Variants in MICU3 observed in about 807,000 individuals in gnomAD.
The protein encoded by MICU3 is mitochondrial calcium uptake 3, also known as calcium uptake protein 3, mitochondrial.
A neutral mutation model predicts 66.5 loss-of-function variants in MICU3; 62 were observed. The observed-to-expected ratio is 0.93, with a 90% CI of 0.76 to 1.15. The LOEUF (loss-of-function observed/expected upper bound fraction) is 1.15. MICU3 is among the 50% of genes most tolerant of loss of function. MICU3 has a pLI of 0.00. For synonymous variants in MICU3, 308 were observed against 240.7 expected (o/e 1.28, Z -2.59); for missense variants, 779 against 664.4 (o/e 1.17, Z -1.90).
At chr8:17,125,632 G>A (rs955216131), downstream of MICU3, among the ~76,000 whole-genome samples, 5 of 152,118 alleles carry the variant, frequency 3.3e-5, no homozygotes, top group African/African-American at 1.2e-4. Context: ...CAGTTTAAAG[G>A]TTGGCTGCTA....
chr8:17,091,467 A>G (rs1030399451), intron 8 of MICU3, among the ~76,000 whole-genome samples: 1 of 152,202 alleles, frequency 6.6e-6, no homozygotes, highest in Non-Finnish European at 1.5e-5. Context: ...GTTGTAGTGT[A>G]CAATTCTAAA....
chr8:17,092,783 A>T (rs984349210), intron 8 of MICU3, among the ~76,000 whole-genome samples: 3 of 152,100 alleles, frequency 2.0e-5, no homozygotes, highest in Non-Finnish European at 4.4e-5. Flanking sequence ...TACAAGTATT[A>T]TACAAATCTA....
rs1802845393 is a variant in MICU3 at position 17,117,973 on chromosome 8, T to TATGG, written c.1525-732_1525-731insGGAT. On this transcript the variant is annotated intron_variant, in intron 13 of 14. Transcript: ENST00000318063. ...AAACCTCAAGATTCATCTGAGACAG[T>TATGG]ATTTTTAAAGATTTTTAATGACTTT... Among the ~76,000 whole-genome samples the TATGG allele has an allele frequency of 2.6e-5, 4 of 152,218 alleles. No individual in the cohort carries two copies. In the South Asian group the frequency reaches 8.3e-4, roughly 31 times the overall value.
the MICU3 span, among the ~76,000 whole-genome samples, chr8:17,130,669 A>G: frequency 0.014 from 2,126 of 152,358 alleles, 56 homozygotes; most frequent in African/African-American, 0.049. Context: ...GTGCAATGGC[A>G]TAGTATTAAT....
Position 17,062,780 on chromosome 8 carries a change from T to C in MICU3, c.382-1304T>C, listed in dbSNP as rs555988090. Among the ~76,000 whole-genome samples, 120 of 151,982 alleles carry C rather than the reference T, an allele frequency of 7.9e-4. 2 individuals are homozygous for C. The highest frequency in any genetic ancestry group is 2.7e-3 in the African/African-American group (111 of 41,456). ...TTCACTCCTAAGGATTAAGGGAGGC[T>C]AGGCAGGAGAGTCGCTTGAACCTGG... is the stretch of plus-strand genomic sequence containing the variant. On this transcript the variant is annotated intron_variant, in intron 1 of 14. Transcript: ENST00000318063.
rs1174601090 is a variant in MICU3, at chr8:17,027,501, C to CG, written c.228dup (p.Leu77AlafsTer60). ...AGCTGAGCGTGGCGGCGGCGGCCGG[C>CG]GGGGGGCTGGTCGGCCTGGTATGCT... On this transcript the variant is annotated frameshift_variant, in exon 1 of 15. Coordinates refer to ENST00000318063, the MANE Select transcript of MICU3 (RefSeq NM_181723.3). LOFTEE classifies it high-confidence loss of function. 3.1e-6 allele frequency: 4 copies of CG among 1,281,148 alleles called. No individual in the cohort carries two copies. Among genetic ancestry groups the CG allele is most frequent in the Non-Finnish European group, 3.9e-6 (4 of 1,018,666 alleles). The allele number at this position is 1,281,148 out of a possible 1,614,324, so 79.4% of individuals were successfully genotyped here.
At chr8:17,058,699 T>C (rs761005372) in intron 1 of MICU3, among the ~76,000 whole-genome samples, 4 of 152,214 alleles carry the variant, frequency 2.6e-5, no homozygotes, top group Non-Finnish European at 4.4e-5. Context: ...TCTCAGAGTT[T>C]CCAGTAGATC....
At chr8:17,124,782 T>C (rs1194329061), downstream of MICU3, among the ~76,000 whole-genome samples, 1 of 152,014 alleles carries the variant, frequency 6.6e-6, no homozygotes, top group Non-Finnish European at 1.5e-5. Flanking sequence ...GGTATACCTT[T>C]TCCCTCAGAA....
intron 11 of MICU3, among the ~76,000 whole-genome samples, chr8:17,112,275 C>T (rs910213761): frequency 1.3e-5 from 2 of 152,148 alleles, no homozygotes; most frequent in African/African-American, 2.4e-5. Context: ...TTGATGTTTT[C>T]AGCTTTTCAG....
intron 11 of MICU3, among the ~76,000 whole-genome samples, chr8:17,110,128 A>T (rs1320845424): frequency 6.6e-6 from 1 of 152,224 alleles, no homozygotes; most frequent in Non-Finnish European, 1.5e-5. Flanking sequence ...GCTTATATAC[A>T]CTTGAAAGCC....
intron 11 of MICU3, among the ~76,000 whole-genome samples, chr8:17,113,699 A>G (rs1018681126): frequency 3.3e-5 from 5 of 152,148 alleles, no homozygotes; most frequent in African/African-American, 9.7e-5. Context: ...TGCAGGGGAA[A>G]CTTTTTTATG....
At chr8:17,098,639 C>A in intron 9 of MICU3, 86 bp downstream of exon 9, 1 of 867,784 alleles carries the variant, frequency 1.2e-6, no homozygotes, top group Non-Finnish European at 1.9e-6. Context: ...AGTGATGAAA[C>A]CCAACATGTA....
the MICU3 span, among the ~76,000 whole-genome samples, chr8:17,135,242 T>C: frequency 6.6e-6 from 1 of 152,000 alleles, no homozygotes; most frequent in Non-Finnish European, 1.5e-5. Context: ...CTACTAGAAA[T>C]ACCAAAATTA....
chr8:17,115,977 A>T (rs922550637), intron 12 of MICU3, among the ~76,000 whole-genome samples: 1 of 152,180 alleles, frequency 6.6e-6, no homozygotes. Flanking sequence ...ACAAAATCAC[A>T]TCCTTTTCCT....
chr8:17,053,424 T>C (rs1816423252), intron 1 of MICU3, among the ~76,000 whole-genome samples: 1 of 152,150 alleles, frequency 6.6e-6, no homozygotes, highest in South Asian at 2.1e-4. Context: ...TGAACCTTTG[T>C]TTTCTGTTTT....
chr8:17,113,708 T>A (rs962134535), intron 11 of MICU3, among the ~76,000 whole-genome samples: 3 of 152,234 alleles, frequency 2.0e-5, no homozygotes, highest in Non-Finnish European at 4.4e-5. Context: ...AACTTTTTTA[T>A]GGCTTTTTTT....
the MICU3 span, among the ~76,000 whole-genome samples, chr8:17,138,219 A>G: frequency 6.6e-5 from 10 of 152,152 alleles, no homozygotes; most frequent in African/African-American, 2.4e-4. Context: ...GAGGGACTCA[A>G]CAACCAAATT....
At chr8:17,086,224 G>T (rs1563354574) in intron 6 of MICU3, among the ~76,000 whole-genome samples, 1 of 152,018 alleles carries the variant, frequency 6.6e-6, no homozygotes, top group African/African-American at 2.4e-5. Flanking sequence ...CTCTGAAAGA[G>T]CTTCATATTT....
intron 9 of MICU3, 98 bp from the exon 10 acceptor site, chr8:17,104,293 G>A (rs1303755980): frequency 4.1e-6 from 2 of 493,114 alleles, no homozygotes; most frequent in Non-Finnish European, 7.1e-6. Context: ...CATTCTTGAT[G>A]TTTGTATGTT....
Sources: gnomAD v4.1 joint callset for allele counts (sites outside exome capture counted in the v4.1 genomes callset) on GRCh38, gnomAD v4.1.1 for gene constraint, MANE v1.5 for transcripts, NCBI Gene and HGNC (gene_info 2026-07-23, HGNC 2026-07-21) for gene names.